Variants in CDCA7 observed in about 807,000 individuals in gnomAD.
CDCA7 encodes cell division cycle associated 7.
In CDCA7, 28 loss-of-function variants were observed where a neutral mutation model predicts 54.0. The ratio of observed to expected loss-of-function variants is 0.52; its 90% confidence interval spans 0.38 to 0.71. The LOEUF (loss-of-function observed/expected upper bound fraction) is 0.71. CDCA7 is among the 30% of genes least tolerant of loss of function. CDCA7 has a pLI of 0.00. For missense variants in CDCA7, 484 were observed against 586.0 expected, an observed-to-expected ratio of 0.83 and a Z score of 1.80; for synonymous variants, 180 against 208.2, an observed-to-expected ratio of 0.86 and a Z score of 1.16.
intron 3 of CDCA7, 147 bp downstream of exon 3, chr2:173,359,638 G>A: frequency 1.5e-6 from 1 of 656,074 alleles, no homozygotes; most frequent in African/African-American, 1.8e-5. Flanking sequence ...TTTTCTTCAT[G>A]TCTTAAAGCA....
chr2:173,358,659 T>C, intron 1 of CDCA7, 53 bp from the exon 2 acceptor site: 1 of 1,579,840 alleles, frequency 6.3e-7, no homozygotes, highest in Non-Finnish European at 8.6e-7. Context: ...ATGATGTCTT[T>C]AGTTAAATAA....
At position 173,359,410 on chromosome 2, in the gene CDCA7, C is replaced by T. The variant is rs745476876; in HGVS notation, c.303C>T (p.Asn101=). The part of the protein sequence containing the change: ...FLQKPRPDVT[N]ELAGIFHADS... ...AGAAACCAAGGCCAGATGTCACTAA[C>T]GAACTGGCCGGTATTTTTCATGCCG... Residue 101 remains asparagine, a synonymous_variant, in exon 3 of 10, where the codon AAC becomes AAT. Transcript: ENST00000306721. 6.2e-6 allele frequency: 10 copies of T among 1,614,012 alleles called. No individual in the cohort carries two copies. Among genetic ancestry groups the T allele is most frequent in the South Asian group, 3.3e-5 (3 of 91,084 alleles).
intron 1 of CDCA7, among the ~76,000 whole-genome samples, chr2:173,357,218 A>C (rs993205465): frequency 6.6e-6 from 1 of 152,238 alleles, no homozygotes; most frequent in African/African-American, 2.4e-5. Flanking sequence ...TACAAGATAG[A>C]TGCCAATTAC....
Position 173,358,743 on chromosome 2 carries a change from A to G in CDCA7, c.53A>G (p.Lys18Arg). The change falls in exon 2 of 10, where the codon AAG becomes AGG. Residue 18 changes from lysine (K) to arginine (R), a missense_variant. Physicochemically the swap from Lys to Arg is conservative, Grantham distance 26. Around this residue, in one of 3 missense-constraint regions of CDCA7, gnomAD observed 398 missense variants for 447.4 expected, o/e 0.89. Transcript: ENST00000306721. Reference protein sequence around the residue: ...QKDLRVKKNLKKFRYVKLISM... With the variant: ...QKDLRVKKNLRKFRYVKLISM... ...GATCTCAGAGTAAAGAAGAACTTAA[A>G]GAAATTCAGATATGTGAAGTTGATT... is the stretch of plus-strand genomic sequence containing the variant. 6.2e-7 allele frequency: 1 copy of G among 1,614,024 alleles called. No individual in the cohort carries two copies. Among genetic ancestry groups the G allele is most frequent in the Non-Finnish European group, 8.5e-7 (1 of 1,179,918 alleles).
At chr2:173,357,492 G>A (rs528736082) in intron 1 of CDCA7, among the ~76,000 whole-genome samples, 2 of 152,272 alleles carry the variant, frequency 1.3e-5, no homozygotes, top group Admixed American at 6.5e-5. Context: ...GCTTTGTAAG[G>A]ACTTCTGTGG....
intron 3 of CDCA7, among the ~76,000 whole-genome samples, chr2:173,361,802 GT>G (rs896035436): frequency 2.0e-5 from 3 of 150,776 alleles, no homozygotes; most frequent in African/African-American, 7.3e-5. Flanking sequence ...TATGTTTTGT[GT>G]TTTTTTTTAT....
At chr2:173,360,928 G>C (rs1194705914) in intron 3 of CDCA7, among the ~76,000 whole-genome samples, 2 of 151,574 alleles carry the variant, frequency 1.3e-5, no homozygotes, top group Admixed American at 1.3e-4. Context: ...AAATGACTCT[G>C]TACCCATTAA....
chr2:173,364,831 G>A lies in CDCA7; in HGVS notation c.736G>A (p.Val246Ile). 6.2e-7 allele frequency: 1 copy of A among 1,611,270 alleles called. No homozygotes were observed. Residue 246 changes from valine (V) to isoleucine (I), a missense_variant, in exon 6 of 10, where the codon GTT (valine) becomes ATT (isoleucine). Around this residue, in one of 3 missense-constraint regions of CDCA7, gnomAD observed 398 missense variants for 447.4 expected, o/e 0.89. Transcript: ENST00000306721. Reference sequence around the variant, plus strand: ...ACCGCGAAGGCGTACATTCCCGGGTGTTGCTTCCAGGAGAAACCCTGAACG... The same window carrying A: ...ACCGCGAAGGCGTACATTCCCGGGTATTGCTTCCAGGAGAAACCCTGAACG... The part of the protein sequence containing the change: ...RRPRRRTFPG[V>I]ASRRNPERRA...
At position 173,363,829 on chromosome 2, in the gene CDCA7, C is replaced by T. The variant is rs777011955; in HGVS notation, c.633C>T (p.Leu211=). The change falls in exon 5 of 10, where the codon CTC becomes CTT. Residue 211 remains leucine (L), a synonymous_variant. Transcript: ENST00000306721. ...IKQNKAMLAK[L]MSELESFPGS... ...TCCTCCCTTTTTAGCTTGCAAAACT[C>T]ATGTCTGAATTAGAAAGCTTCCCTG... The T allele has an allele frequency of 1.2e-6, 2 of 1,614,182 alleles. No individual in the cohort carries two copies. Among genetic ancestry groups the T allele is most frequent in the South Asian group, 1.1e-5 (1 of 91,074 alleles).
chr2:173,359,476 G>A lies in CDCA7; in HGVS notation c.369G>A (p.Glu123=). 1 of 1,613,870 alleles carries A rather than the reference G, an allele frequency of 6.2e-7. No individual in the cohort carries two copies. The highest frequency in any genetic ancestry group is 8.5e-7 in the Non-Finnish European group (1 of 1,179,796). Reference sequence around the variant, plus strand: ...CATTTTGCGGTTTCTCAGAGAGTGAGATACAAGATGGAATGGTGAGTTCGA... The same window carrying A: ...CATTTTGCGGTTTCTCAGAGAGTGAAATACAAGATGGAATGGTGAGTTCGA... ...DESFCGFSES[E]IQDGMRLQSV... The change falls in exon 3 of 10, where the codon GAG becomes GAA. Residue 123 remains glutamate, a synonymous_variant. Transcript: ENST00000306721.
intron 9 of CDCA7, 134 bp from the exon 10 acceptor site, chr2:173,367,500 C>T (rs576366032): frequency 6.9e-6 from 9 of 1,298,564 alleles, no homozygotes; most frequent in Non-Finnish European, 8.9e-6. Flanking sequence ...AGGTAATATA[C>T]TTGAAGATGC....
Position 173,365,031 on chromosome 2 carries a change from T to G in CDCA7, c.894+42T>G, listed in dbSNP as rs774057496. ...GGTACTTGCTCTTCTGATTCTCATC[T>G]TCGGTAGGCCTGGCATCATACACAG... On this transcript the variant is annotated intron_variant, in intron 6 of 9. Coordinates refer to ENST00000306721, the MANE Select transcript of CDCA7 (RefSeq NM_031942.5). 3 of 1,522,310 alleles carry G rather than the reference T, an allele frequency of 2.0e-6. No homozygotes were observed. The South Asian group carries it at 3.9e-5, about 20-fold the overall frequency. 94.3% of individuals were successfully genotyped at this position (1,522,310 alleles called of 1,614,324 possible).
In CDCA7 at chr2:173,359,573, A is replaced by T. The variant is rs1250469936; in HGVS notation, c.384+82A>T. On this transcript the variant is annotated intron_variant, in intron 3 of 9. Transcript: ENST00000306721. ...TATTTTTAGAAATTTTTTTCTTGTG[A>T]TTTTGATTTTAGTCATGCCAGCAGA... 2.3e-6 allele frequency: 3 copies of T among 1,291,134 alleles called. No homozygotes were observed. The African/African-American group carries it at 4.5e-5, about 19-fold the overall frequency. The allele number at this position is 1,291,134 out of a possible 1,614,324, so 80.0% of individuals were successfully genotyped here.
chr2:173,366,817 A>T lies in CDCA7; in HGVS notation c.1186-333A>T, dbSNP rs899653175. ...CGCCTCGGCCTCCTGAAGTGCTGGGATTACAGGTGTGAGCCACCACGCCCG... is the reference window on the plus strand; with the variant it reads ...CGCCTCGGCCTCCTGAAGTGCTGGGTTTACAGGTGTGAGCCACCACGCCCG... On this transcript the variant is annotated intron_variant, in intron 8 of 9. Coordinates refer to ENST00000306721, the MANE Select transcript of CDCA7 (RefSeq NM_031942.5). This position sits in a 1 kb window ranked among gnomAD's most constrained non-coding sequence, Gnocchi z 4.5. Among the ~76,000 whole-genome samples the T allele has an allele frequency of 6.6e-6, 1 of 152,080 alleles. No individual in the cohort carries two copies. The highest frequency in any genetic ancestry group is 2.4e-5 in the African/African-American group (1 of 41,412).
intron 6 of CDCA7, 130 bp from the exon 7 acceptor site, chr2:173,365,322 C>T: frequency 9.6e-7 from 1 of 1,036,512 alleles, no homozygotes; most frequent in Non-Finnish European, 1.4e-6. Flanking sequence ...AGTCAAGTAT[C>T]TGAGATTCAA....
chr2:173,365,671 G>A (rs1574221214), intron 7 of CDCA7, 79 bp downstream of exon 7: 3 of 1,481,336 alleles, frequency 2.0e-6, no homozygotes, highest in African/African-American at 2.8e-5. Flanking sequence ...CGTTGCCCAG[G>A]TTCTAAAGGG....
chr2:173,359,479 A>C lies in CDCA7; in HGVS notation c.372A>C (p.Ile124=). 1 of 1,613,788 alleles carries C rather than the reference A, an allele frequency of 6.2e-7. No homozygotes were observed. Among genetic ancestry groups the C allele is most frequent in the South Asian group, 1.1e-5 (1 of 91,074 alleles). Residue 124 remains isoleucine (I), a synonymous_variant, in exon 3 of 10, where the codon ATA becomes ATC. Coordinates refer to ENST00000306721, the MANE Select transcript of CDCA7 (RefSeq NM_031942.5). Reference sequence around the variant, plus strand: ...TTTGCGGTTTCTCAGAGAGTGAGATACAAGATGGAATGGTGAGTTCGAGAA... The same window carrying C: ...TTTGCGGTTTCTCAGAGAGTGAGATCCAAGATGGAATGGTGAGTTCGAGAA... ...ESFCGFSESE[I]QDGMRLQSVR...
chr2:173,364,086 G>C (rs887691656), intron 5 of CDCA7, 191 bp downstream of exon 5: 2 of 504,300 alleles, frequency 4.0e-6, no homozygotes, highest in Non-Finnish European at 6.9e-6. Context: ...TCTCCTTGCT[G>C]TGCTCCTGTG....
In CDCA7 at chr2:173,368,948, A is replaced by G. The variant is rs1456901151; in HGVS notation, c.*1284A>G. On this transcript the variant is annotated 3_prime_UTR_variant, in exon 10 of 10. Coordinates refer to ENST00000306721, the MANE Select transcript of CDCA7 (RefSeq NM_031942.5). Reference sequence around the variant, plus strand: ...AATAATCTTACTGTACTTAATTCTAATTTTTTCCTCATATTTAAATAAAAG... The same window carrying G: ...AATAATCTTACTGTACTTAATTCTAGTTTTTTCCTCATATTTAAATAAAAG... The G allele has an allele frequency of 6.6e-6, 1 of 152,052 alleles. No individual in the cohort carries two copies. The highest frequency in any genetic ancestry group is 2.4e-5 in the African/African-American group (1 of 41,382). 9.4% of individuals were successfully genotyped at this position (152,052 alleles called of 1,614,324 possible). A position where few individuals can be genotyped will look rare whatever the true frequency, so the allele number is the denominator to read the frequency against.
Sources: gnomAD v4.1 joint callset for allele counts (sites outside exome capture counted in the v4.1 genomes callset) on GRCh38, gnomAD v4.1.1 for gene constraint, gnomAD v4.1.1 regional missense constraint, Gnocchi (gnomAD v3.1) non-coding constraint, MANE v1.5 for transcripts, NCBI Gene and HGNC (gene_info 2026-07-23, HGNC 2026-07-21) for gene names.